CASKIN1: variants seen among roughly 807,000 people sequenced by gnomAD.
The protein encoded by CASKIN1 is caskin-1.
A neutral mutation model predicts 117.5 loss-of-function variants in CASKIN1; 42 were observed. The observed-to-expected ratio is 0.36, with a 90% CI of 0.28 to 0.46. The LOEUF (loss-of-function observed/expected upper bound fraction) is 0.46. Among genes scored for constraint, CASKIN1 ranks in the 20% least tolerant of loss-of-function variants. The pLI, the probability that CASKIN1 is intolerant of heterozygous loss-of-function variation, is 1.00. For synonymous variants in CASKIN1, 1,148 were observed against 961.7 expected (o/e 1.19, Z -3.59); for missense variants, 2,083 against 2,077.3 (o/e 1.00, Z -0.05).
Position 2,180,125 on chromosome 16 carries a change from A to G in CASKIN1, c.3243T>C (p.Pro1081=), listed in dbSNP as rs1406736268. ...AGGGGCCTGGGTCTGCCGACTCCCCAGGCCCCCGGCGGGCAGTGGCCAGAA... is the reference window on the plus strand; with the variant it reads ...AGGGGCCTGGGTCTGCCGACTCCCCGGGCCCCCGGCGGGCAGTGGCCAGAA... ...TGLLATARRG[P]GESADPGPFV... is the part of the protein sequence containing the mutation. Residue 1081 remains proline (P), a synonymous_variant, in exon 18 of 20, where the codon CCT becomes CCC. Transcript: ENST00000343516. 16 of 1,551,912 alleles carry G rather than the reference A, an allele frequency of 1.0e-5. No homozygotes were observed. Among genetic ancestry groups the G allele is most frequent in the Non-Finnish European group, 1.2e-5 (14 of 1,149,782 alleles).
intron 1 of CASKIN1, among the ~76,000 whole-genome samples, chr16:2,191,272 G>A (rs1443084469): frequency 4.6e-5 from 7 of 152,174 alleles, no homozygotes; most frequent in Non-Finnish European, 2.9e-5. Flanking sequence ...TGAGGGAGTC[G>A]AGGCACAGGG....
At chr16:2,187,638 T>C (rs1423779460) in intron 6 of CASKIN1, among the ~76,000 whole-genome samples, 177 bp from the exon 7 acceptor site, 1 of 152,194 alleles carries the variant, frequency 6.6e-6, no homozygotes, top group African/African-American at 2.4e-5. Flanking sequence ...TTTTTCTTTT[T>C]GAGACGGAGT....
At chr16:2,178,705 C>G (rs1303739556) in intron 19 of CASKIN1, 59 bp from the exon 20 acceptor site, 4 of 1,474,904 alleles carry the variant, frequency 2.7e-6, no homozygotes, top group Non-Finnish European at 3.6e-6. Flanking sequence ...ACGCCCACCC[C>G]GACCAGGACA....
At chr16:2,194,689 G>A (rs1033252324) in intron 1 of CASKIN1, among the ~76,000 whole-genome samples, 1 of 152,156 alleles carries the variant, frequency 6.6e-6, no homozygotes, top group Admixed American at 6.5e-5. Flanking sequence ...GTGAGTCAGA[G>A]AGCAGGAGCC....
intron 3 of CASKIN1, 144 bp downstream of exon 3, chr16:2,189,929 C>G (rs2093196421): frequency 6.3e-6 from 5 of 790,746 alleles, no homozygotes; most frequent in Middle Eastern, 3.7e-4. Context: ...CCCTGGCCTC[C>G]AGGACCCTGA....
chr16:2,190,831 G>A (rs2093199615), intron 1 of CASKIN1, among the ~76,000 whole-genome samples: 1 of 152,190 alleles, frequency 6.6e-6, no homozygotes. Context: ...CTCTGGGGGA[G>A]GATCTGCGTC....
At chr16:2,194,748 C>CAGAG (rs1391227519) in intron 1 of CASKIN1, among the ~76,000 whole-genome samples, 1 of 152,120 alleles carries the variant, frequency 6.6e-6, no homozygotes, top group Non-Finnish European at 1.5e-5. Context: ...GCAAGACAGG[C>CAGAG]AGAGACCCAG....
At chr16:2,190,205 C>G in intron 2 of CASKIN1, 35 bp from the exon 3 acceptor site, 1 of 1,609,380 alleles carries the variant, frequency 6.2e-7, no homozygotes, top group Non-Finnish European at 8.5e-7. Context: ...AGCAGAGGCC[C>G]TGGCGCCCCG....
chr16:2,193,928 G>T (rs1363828893), intron 1 of CASKIN1, among the ~76,000 whole-genome samples: 1 of 152,210 alleles, frequency 6.6e-6, no homozygotes, highest in Non-Finnish European at 1.5e-5. Flanking sequence ...CTGGAAACGG[G>T]TTCTCTGGAT....
intron 7 of CASKIN1, 22 bp from the exon 8 acceptor site, chr16:2,187,296 C>T (rs2093187818): frequency 2.5e-6 from 4 of 1,613,814 alleles, no homozygotes; most frequent in Non-Finnish European, 3.4e-6. Flanking sequence ...AGAGATGAGG[C>T]TCTGTCAGGA....
chr16:2,196,223 G>T lies in CASKIN1; in HGVS notation c.94+116C>A, dbSNP rs1418836290. Reference sequence around the variant, plus strand: ...CAAGGGTCTGGGCGCTGCTGGCCCCGCCCCGCCCCCGGGGACCCGACAACG... The same window carrying T: ...CAAGGGTCTGGGCGCTGCTGGCCCCTCCCCGCCCCCGGGGACCCGACAACG... On this transcript the variant is annotated intron_variant, in intron 1 of 19. Coordinates refer to ENST00000343516, the MANE Select transcript of CASKIN1 (RefSeq NM_020764.4). The surrounding 1 kb of genome is among the most constrained non-coding windows in gnomAD (Gnocchi z 5.7). 1.5e-5 allele frequency: 4 copies of T among 260,690 alleles called. No individual in the cohort carries two copies. The South Asian group carries it at 6.4e-4, about 42-fold the overall frequency. 16.1% of individuals were successfully genotyped at this position (260,690 alleles called of 1,614,324 possible). A position where few individuals can be genotyped will look rare whatever the true frequency, so the allele number is the denominator to read the frequency against.
Position 2,186,983 on chromosome 16 carries a change from T to C in CASKIN1, c.925A>G (p.Ile309Val). The C allele has an allele frequency of 5.0e-6, 8 of 1,613,454 alleles. No individual in the cohort carries two copies. The highest frequency in any genetic ancestry group is 6.8e-6 in the Non-Finnish European group (8 of 1,179,796). Residue 309 changes from isoleucine (I) to valine (V), a missense_variant, in exon 9 of 20, where the codon ATC becomes GTC. This residue lies in a region of CASKIN1 where 1,818 missense variants were observed against 1,688.9 expected (regional missense o/e 1.08). Transcript: ENST00000343516. Reference protein sequence around the residue: ...TSLNVKAGDIITVLEQHPDGR... With the variant: ...TSLNVKAGDIVTVLEQHPDGR... ...GCCCCTGGGGCCATGCTTACTGTGA[T>C]GATGTCCCCTGCCTTCACGTTGAGG...
Position 2,178,289 on chromosome 16 carries a change from C to T in CASKIN1, c.*261G>A. ...GGTCCCGGGGCGCCCTCCCCTCCCG[C>T]GCGGGCAGGAGGCCCAGCAGGTATT... On this transcript the variant is annotated 3_prime_UTR_variant, in exon 20 of 20. Coordinates refer to ENST00000343516, the MANE Select transcript of CASKIN1 (RefSeq NM_020764.4). 2.4e-6 allele frequency: 1 copy of T among 411,456 alleles called. No homozygotes were observed. Among genetic ancestry groups the T allele is most frequent in the Non-Finnish European group, 4.4e-6 (1 of 228,012 alleles). 25.5% of individuals were successfully genotyped at this position (411,456 alleles called of 1,614,324 possible).
Position 2,180,835 on chromosome 16 carries a change from C to T in CASKIN1, c.2533G>A (p.Gly845Arg). ...GGCGCAGGCCCCGGGGCAGCCGGCC[C>T]CACCTCGCCCTCCACGGGCTGGGGC... Reference protein sequence around the residue: ...VLPQPVEGEVGPAAPGPAPPP... With the variant: ...VLPQPVEGEVRPAAPGPAPPP... Residue 845 changes from glycine to arginine, a missense_variant, in exon 18 of 20, where the codon GGG becomes AGG. By Grantham distance (125) the Gly-to-Arg change is moderately radical. Coordinates refer to ENST00000343516, the MANE Select transcript of CASKIN1 (RefSeq NM_020764.4). 2 of 1,392,894 alleles carry T rather than the reference C, an allele frequency of 1.4e-6. No individual in the cohort carries two copies. The highest frequency in any genetic ancestry group is 1.8e-6 in the Non-Finnish European group (2 of 1,081,160). The allele number at this position is 1,392,894 out of a possible 1,614,324, so 86.3% of individuals were successfully genotyped here. A position where few individuals can be genotyped will look rare whatever the true frequency, so the allele number is the denominator to read the frequency against.
chr16:2,186,984 G>C lies in CASKIN1; in HGVS notation c.924C>G (p.Ile308Met), dbSNP rs200043726. The C allele has an allele frequency of 6.2e-7, 1 of 1,613,774 alleles. No homozygotes were observed. Among genetic ancestry groups the C allele is most frequent in the Non-Finnish European group, 8.5e-7 (1 of 1,179,898 alleles). Residue 308 changes from isoleucine (I) to methionine (M), a missense_variant, in exon 9 of 20, where the codon ATC (isoleucine) becomes ATG (methionine). Transcript: ENST00000343516. ...LTSLNVKAGD[I>M]ITVLEQHPDG... The stretch of plus-strand genomic sequence containing the variant: ...CCCCTGGGGCCATGCTTACTGTGAT[G>C]ATGTCCCCTGCCTTCACGTTGAGGC...
Position 2,180,756 on chromosome 16 carries a change from G to T in CASKIN1, c.2612C>A (p.Ala871Glu), listed in dbSNP as rs775121337. 7.0e-7 allele frequency: 1 copy of T among 1,436,618 alleles called. No individual in the cohort carries two copies. Among genetic ancestry groups the T allele is most frequent in the Admixed American group, 2.8e-5 (1 of 35,292 alleles). The allele number at this position is 1,436,618 out of a possible 1,614,324, so 89.0% of individuals were successfully genotyped here. The part of the protein sequence containing the change: ...PTLCLPPEAD[A>E]EPGRPKKRAH... ...CCGCTTCTTGGGCCGCCCCGGCTCC[G>T]CGTCGGCCTCAGGGGGCAGGCACAG... Residue 871 changes from alanine to glutamate, a missense_variant, in exon 18 of 20, where the codon GCG becomes GAG. Coordinates refer to ENST00000343516, the MANE Select transcript of CASKIN1 (RefSeq NM_020764.4).
At chr16:2,183,566 G>A (rs1398001792) in intron 16 of CASKIN1, 80 bp downstream of exon 16, 34 of 1,424,694 alleles carry the variant, frequency 2.4e-5, no homozygotes, top group African/African-American at 2.0e-4. Flanking sequence ...GGTGGGAGTT[G>A]TGGCCAGGGA....
Position 2,180,598 on chromosome 16 carries a change from C to T in CASKIN1, c.2770G>A (p.Ala924Thr), listed in dbSNP as rs771784130. Residue 924 changes from alanine (A) to threonine (T), a missense_variant, in exon 18 of 20, where the codon GCA (alanine) becomes ACA (threonine). Physicochemically the swap from Ala to Thr is moderately conservative, Grantham distance 58. This residue lies in a region of CASKIN1 where 1,818 missense variants were observed against 1,688.9 expected (regional missense o/e 1.08). Coordinates refer to ENST00000343516, the MANE Select transcript of CASKIN1 (RefSeq NM_020764.4). ...CGGTTGACGTTCTTGTCGGCACCTG[C>T]GGGCGCCCTCACTGAGTGGCTGCGG... is the stretch of plus-strand genomic sequence containing the variant. ...VGRSHSVRAP[A>T]GADKNVNRSQ... 1.3e-5 allele frequency: 20 copies of T among 1,572,704 alleles called. 1 individual carries two copies. Among genetic ancestry groups the T allele is most frequent in the Middle Eastern group, 3.4e-4 (2 of 5,826 alleles).
Position 2,185,326 on chromosome 16 carries a change from C to T in CASKIN1, c.1131G>A (p.Val377=). ...GPSAPPEEIW[V]LRKPFAGGDR... ...GCCTACCTGCAAAAGGCTTCCTCAG[C>T]ACCCAGATCTCCTCTGGGGGTGCAG... Residue 377 remains valine, a synonymous_variant, in exon 11 of 20, where the codon GTG becomes GTA. Coordinates refer to ENST00000343516, the MANE Select transcript of CASKIN1 (RefSeq NM_020764.4). 2 of 1,601,784 alleles carry T rather than the reference C, an allele frequency of 1.2e-6. No individual in the cohort carries two copies.
Sources: allele counts gnomAD v4.1 joint callset (sites outside exome capture counted in the v4.1 genomes callset), GRCh38; gene constraint gnomAD v4.1.1; regional missense constraint gnomAD v4.1.1; non-coding constraint Gnocchi (gnomAD v3.1); transcripts MANE v1.5; gene names NCBI Gene and HGNC (gene_info 2026-07-23, HGNC 2026-07-21).